Variants in RNF144A observed in about 807,000 individuals in gnomAD.
RNF144A encodes E3 ubiquitin-protein ligase RNF144A.
Under a neutral mutation model 38.7 loss-of-function variants are expected in RNF144A, and 11 were observed. The ratio of observed to expected loss-of-function variants is 0.28; its 90% confidence interval spans 0.18 to 0.47. The LOEUF is 0.47. RNF144A is among the 20% of genes least tolerant of loss of function. RNF144A has a pLI of 0.99. For missense variants in RNF144A, 316 were observed against 377.2 expected (o/e 0.84, Z 1.34); for synonymous variants, 149 against 143.9 (o/e 1.04, Z -0.25).
At chr2:6,949,936 A>T (rs1463338566) in intron 2 of RNF144A, among the ~76,000 whole-genome samples, 1 of 152,158 alleles carries the variant, frequency 6.6e-6, no homozygotes, top group Non-Finnish European at 1.5e-5. Context: ...CACTATCATC[A>T]TCACCATTAT....
intron 3 of RNF144A, among the ~76,000 whole-genome samples, chr2:7,009,357 C>G (rs978915621): frequency 2.0e-5 from 3 of 152,162 alleles, no homozygotes; most frequent in African/African-American, 7.2e-5. Flanking sequence ...AAAGGTAATG[C>G]AGGGGAGCAG....
At chr2:6,920,497 A>G (rs1664473348) in intron 1 of RNF144A, among the ~76,000 whole-genome samples, 1 of 152,170 alleles carries the variant, frequency 6.6e-6, no homozygotes, top group Admixed American at 6.5e-5. Flanking sequence ...GCTGCCCTGC[A>G]CGTTGGGTGG....
chr2:7,066,353 C>T (rs1198331683), intron 6 of RNF144A, among the ~76,000 whole-genome samples: 1 of 152,182 alleles, frequency 6.6e-6, no homozygotes, highest in Non-Finnish European at 1.5e-5. Flanking sequence ...TCCCAAAGTG[C>T]TGGGATTACA....
rs760410057 is a variant in RNF144A, at chr2:6,944,184, C to G, written c.-12+3037C>G. ...AGCAGAGGAGGAGCCATTGGAGATG[C>G]GGGAGGAGGCCGGGCACTATGGGCC... On this transcript the variant is annotated intron_variant, in intron 2 of 8. Coordinates refer to ENST00000320892, the MANE Select transcript of RNF144A (RefSeq NM_014746.6). This position sits in a 1 kb window ranked among gnomAD's most constrained non-coding sequence, Gnocchi z 4.7. Among the ~76,000 whole-genome samples the G allele has an allele frequency of 6.6e-6, 1 of 151,930 alleles. No homozygotes were observed. Among genetic ancestry groups the G allele is most frequent in the South Asian group, 2.1e-4 (1 of 4,804 alleles).
chr2:7,058,536 T>A (rs921443675), intron 6 of RNF144A, among the ~76,000 whole-genome samples: 1 of 152,196 alleles, frequency 6.6e-6, no homozygotes, highest in Non-Finnish European at 1.5e-5. Context: ...AAGGCAAATA[T>A]CAGATATCTA....
At chr2:7,050,506 T>C (rs527955212) in intron 6 of RNF144A, among the ~76,000 whole-genome samples, 1 of 152,266 alleles carries the variant, frequency 6.6e-6, no homozygotes, top group East Asian at 1.9e-4. Flanking sequence ...CTTCAGTCTC[T>C]CGTGGACACA....
At chr2:7,024,759 A>T (rs1671769657) in intron 7 of RNF144A, among the ~76,000 whole-genome samples, 2 of 152,226 alleles carry the variant, frequency 1.3e-5, no homozygotes, top group Non-Finnish European at 2.9e-5. Flanking sequence ...TTCAGGATCC[A>T]GCCTGGGATT....
At chr2:6,954,407 G>A (rs1047782043) in intron 2 of RNF144A, among the ~76,000 whole-genome samples, 4 of 152,092 alleles carry the variant, frequency 2.6e-5, no homozygotes, top group African/African-American at 9.7e-5. Context: ...AACCCTAAGA[G>A]CCTTAGAATT....
intron 8 of RNF144A, among the ~76,000 whole-genome samples, chr2:7,035,995 G>A (rs1393279837): frequency 6.6e-6 from 1 of 152,166 alleles, no homozygotes; most frequent in African/African-American, 2.4e-5. Context: ...CAGAGTGGCC[G>A]CGAATGCAAG....
At chr2:6,924,122 C>T (rs1010252459) in intron 1 of RNF144A, among the ~76,000 whole-genome samples, 2 of 152,226 alleles carry the variant, frequency 1.3e-5, no homozygotes, top group Non-Finnish European at 2.9e-5. Context: ...CAGAACAATA[C>T]ACCTTAAGAC....
downstream of RNF144A, among the ~76,000 whole-genome samples, chr2:7,069,958 G>A (rs1308889360): frequency 1.3e-5 from 2 of 152,190 alleles, no homozygotes; most frequent in African/African-American, 4.8e-5. Context: ...GTCTTTTTGC[G>A]TGCATGGAAG....
At chr2:6,950,919 G>A (rs1666637107) in intron 2 of RNF144A, among the ~76,000 whole-genome samples, 1 of 151,970 alleles carries the variant, frequency 6.6e-6, no homozygotes, top group Admixed American at 6.6e-5. Flanking sequence ...ACTGTTGTTT[G>A]TTTCAAGTGT....
At chr2:6,997,547 A>C (rs761674214) in intron 3 of RNF144A, among the ~76,000 whole-genome samples, 8 of 152,206 alleles carry the variant, frequency 5.3e-5, no homozygotes, top group Non-Finnish European at 1.2e-4. Flanking sequence ...TGTAGCCAAC[A>C]TTCTTTTGGG....
rs368482595 is a variant in RNF144A at position 7,039,767 on chromosome 2, C to T, written c.*7C>T. The T allele has an allele frequency of 2.1e-5, 34 of 1,612,108 alleles. No homozygotes were observed. Among genetic ancestry groups the T allele is most frequent in the Admixed American group, 1.0e-4 (6 of 59,932 alleles). On this transcript the variant is annotated 3_prime_UTR_variant, in exon 9 of 9. Transcript: ENST00000320892. Reference sequence around the variant, plus strand: ...CGACCCGTTACCCACCTAGAGGAAGCGCGATGCTGGAACACATCCCTGCCT... The same window carrying T: ...CGACCCGTTACCCACCTAGAGGAAGTGCGATGCTGGAACACATCCCTGCCT...
intron 6 of RNF144A, among the ~76,000 whole-genome samples, chr2:7,021,890 C>T (rs569427038): frequency 6.6e-6 from 1 of 152,354 alleles, no homozygotes; most frequent in South Asian, 2.1e-4. Context: ...AGCCTGATGA[C>T]TTAGTTTTCT....
At chr2:7,002,175 G>A (rs1022121730) in intron 3 of RNF144A, among the ~76,000 whole-genome samples, 3 of 152,158 alleles carry the variant, frequency 2.0e-5, no homozygotes, top group Admixed American at 6.5e-5. Context: ...TCCTTTGCAC[G>A]TCTTTATGTC....
chr2:7,046,257 A>G (rs1234561640), downstream of RNF144A, among the ~76,000 whole-genome samples: 1 of 152,204 alleles, frequency 6.6e-6, no homozygotes, highest in African/African-American at 2.4e-5. Context: ...AAAAACAGCA[A>G]TTGCTGCCCA....
Position 6,958,020 on chromosome 2 carries a change from G to C in RNF144A, c.-12+16873G>C, listed in dbSNP as rs886502448. ...AGTTAGGCAACGACAGAATGGGGTG[G>C]GGGAGTCGGGATGGAGCTCCAGGGA... On this transcript the variant is annotated intron_variant, in intron 2 of 8. Coordinates refer to ENST00000320892, the MANE Select transcript of RNF144A (RefSeq NM_014746.6). The surrounding 1 kb of genome is among the most constrained non-coding windows in gnomAD (Gnocchi z 4.5). Among the ~76,000 whole-genome samples the C allele has an allele frequency of 6.6e-6, 1 of 152,220 alleles. No individual in the cohort carries two copies. Among genetic ancestry groups the C allele is most frequent in the African/African-American group, 2.4e-5 (1 of 41,452 alleles).
At chr2:6,922,693 C>T (rs1377395105) in intron 1 of RNF144A, among the ~76,000 whole-genome samples, 1 of 150,366 alleles carries the variant, frequency 6.7e-6, no homozygotes, top group Non-Finnish European at 1.5e-5. Flanking sequence ...GGTGCAATCT[C>T]AGCTCACTGC....
Sources: gnomAD v4.1 joint callset for allele counts (sites outside exome capture counted in the v4.1 genomes callset) on GRCh38, gnomAD v4.1.1 for gene constraint, Gnocchi (gnomAD v3.1) non-coding constraint, MANE v1.5 for transcripts, NCBI Gene and HGNC (gene_info 2026-07-23, HGNC 2026-07-21) for gene names.